Variants in BTK observed in about 807,000 individuals in gnomAD.
BTK encodes the protein Bruton tyrosine kinase.
In BTK, 5 loss-of-function variants were observed where a neutral mutation model predicts 57.4. The observed-to-expected ratio is 0.09, with a 90% CI of 0.05 to 0.18. The LOEUF is 0.18. Ranked by LOEUF, BTK falls within the 10% of genes least tolerant of loss-of-function variation. The pLI is 1.00. For missense variants in BTK, 194 were observed against 501.2 expected, an observed-to-expected ratio of 0.39 and a Z score of 5.85; for synonymous variants, 154 against 174.3, an observed-to-expected ratio of 0.88 and a Z score of 0.92.
At chrX:101,359,232 C>T in intron 10 of BTK, 61 bp downstream of exon 10, 1 of 1,154,893 alleles carries the variant, frequency 8.7e-7, no homozygotes, top group South Asian at 1.8e-5. Context: ...AGAACAGGCC[C>T]TCAGTTCAAG....
upstream of BTK, among the ~76,000 whole-genome samples, chrX:101,386,442 C>G (rs1927612523): frequency 9.1e-6 from 1 of 110,008 alleles, no homozygotes; most frequent in African/African-American, 3.3e-5. Flanking sequence ...CCTGAGCAGA[C>G]AGGTCATCAA....
intron 1 of BTK, among the ~76,000 whole-genome samples, chrX:101,376,963 C>T (rs1052573840): frequency 8.6e-4 from 96 of 111,235 alleles, no homozygotes; most frequent in African/African-American, 3.0e-3. Context: ...GCTGGGGAGA[C>T]GAAAATACGT....
rs782498125 is a variant in BTK at position 101,358,151 on chromosome X, C to T, written c.1102+159G>A. On this transcript the variant is annotated intron_variant, in intron 12 of 18. Coordinates refer to ENST00000308731, the MANE Select transcript of BTK (RefSeq NM_000061.3). ...GTCCCTGTTGGGTGTAGGTCTGCCT[C>T]TGACCACCTCTTTACCAGCTTCTAC... 8.6e-6 allele frequency: 7 copies of T among 815,074 alleles called. No individual in the cohort carries two copies. The South Asian group carries it at 1.2e-4, about 14-fold the overall frequency. The allele number at this position is 815,074 out of a possible 1,213,427, so 67.2% of individuals were successfully genotyped here.
At position 101,371,844 on chromosome X, in the gene BTK, G is replaced by A. The variant is rs184481518; in HGVS notation, c.241-143C>T. 214 of 511,018 alleles carry A rather than the reference G, an allele frequency of 4.2e-4. 1 individual carries two copies. Among genetic ancestry groups the A allele is most frequent in the Admixed American group, 2.2e-3 (79 of 36,500 alleles). 42.1% of individuals were successfully genotyped at this position (511,018 alleles called of 1,213,427 possible). A position where few individuals can be genotyped will look rare whatever the true frequency, so the allele number is the denominator to read the frequency against. On this transcript the variant is annotated intron_variant, in intron 3 of 18. Transcript: ENST00000308731. ...GATTCTTAGTGATTACTTTCTATAG[G>A]CCAATAGGGACACATATCCAATACG...
At chrX:101,379,850 C>T (rs1927353972) in intron 1 of BTK, among the ~76,000 whole-genome samples, 1 of 112,075 alleles carries the variant, frequency 8.9e-6, no homozygotes, top group African/African-American at 3.2e-5. Context: ...GATGATCTGT[C>T]TCTGGTAACT....
rs140650874 is a variant in BTK at position 101,370,777 on chromosome X, T to C, written c.310-698A>G. Among the ~76,000 whole-genome samples the C allele has an allele frequency of 7.1e-3, 797 of 112,468 alleles. 4 individuals carry two copies. The highest frequency in any genetic ancestry group is 0.024 in the African/African-American group (753 of 30,986). ...CACAGAGTTTATAGACATCACATAA[T>C]AAATTCTGAAGTCAAATATAAATTA... On this transcript the variant is annotated intron_variant, in intron 4 of 18. Coordinates refer to ENST00000308731, the MANE Select transcript of BTK (RefSeq NM_000061.3).
upstream of BTK, among the ~76,000 whole-genome samples, chrX:101,387,321 C>T (rs1927644535): frequency 9.3e-6 from 1 of 107,658 alleles, no homozygotes; most frequent in Admixed American, 1.0e-4. Context: ...CTCCCCTCAC[C>T]CCCAAGCCCC....
intron 5 of BTK, among the ~76,000 whole-genome samples, chrX:101,364,385 G>A (rs1411888792): frequency 2.1e-5 from 2 of 96,152 alleles, no homozygotes; most frequent in African/African-American, 7.9e-5. Flanking sequence ...CTCCAGCCTG[G>A]CCAACAGGAA....
At chrX:101,376,216 A>T (rs1049794008) in intron 1 of BTK, among the ~76,000 whole-genome samples, 2 of 112,326 alleles carry the variant, frequency 1.8e-5, no homozygotes, top group Admixed American at 9.5e-5. Flanking sequence ...TGGCTTTTTT[A>T]TTCACACCAA....
chrX:101,376,010 T>C (rs1194050198), intron 1 of BTK, among the ~76,000 whole-genome samples: 3 of 110,903 alleles, frequency 2.7e-5, no homozygotes, highest in African/African-American at 9.8e-5. Flanking sequence ...TCTGACCTTT[T>C]CCCCATTTAG....
intron 7 of BTK, 99 bp from the exon 8 acceptor site, chrX:101,360,854 G>T: frequency 1.2e-6 from 1 of 852,762 alleles, no homozygotes. Context: ...CCCAAATCAG[G>T]CATACTAAAA....
chrX:101,362,967 C>A (rs1174773136), intron 5 of BTK, among the ~76,000 whole-genome samples: 1 of 112,014 alleles, frequency 8.9e-6, no homozygotes, highest in Non-Finnish European at 1.9e-5. Flanking sequence ...GAGAGCCCAA[C>A]AACAGAAATA....
At chrX:101,352,417 G>A (rs1338123559) in intron 18 of BTK, among the ~76,000 whole-genome samples, 3 of 111,494 alleles carry the variant, frequency 2.7e-5, no homozygotes, top group African/African-American at 9.8e-5. Context: ...GAATCGGAGT[G>A]GGCCTGGGAA....
At chrX:101,363,438 TG>T (rs1926732806) in intron 5 of BTK, among the ~76,000 whole-genome samples, 1 of 111,768 alleles carries the variant, frequency 8.9e-6, no homozygotes, top group Non-Finnish European at 1.9e-5. Context: ...TTAGAAAAGT[TG>T]GCCAGACGCG....
chrX:101,367,826 A>T (rs782504169), intron 5 of BTK, among the ~76,000 whole-genome samples: 1 of 111,308 alleles, frequency 9.0e-6, no homozygotes, highest in African/African-American at 3.3e-5. Flanking sequence ...ACTAAAACCT[A>T]GCCATTTATC....
Position 101,371,721 on chromosome X carries a change from A to C in BTK, c.241-20T>G. On this transcript the variant is annotated intron_variant, in intron 3 of 18. Transcript: ENST00000308731. ...TCTTCTCTGTAATGAAATAAGAAAA[A>C]ATGGTTATTGGTTGATGCATTGCTC... 1 of 1,169,505 alleles carries C rather than the reference A, an allele frequency of 8.6e-7. No homozygotes were observed. The highest frequency in any genetic ancestry group is 1.8e-5 in the South Asian group (1 of 56,055).
intron 18 of BTK, among the ~76,000 whole-genome samples, chrX:101,352,101 T>TG (rs1375047854): frequency 1.9e-5 from 2 of 102,940 alleles, no homozygotes; most frequent in African/African-American, 3.6e-5. Context: ...AGGCGGGGCT[T>TG]GCGGTGAGCC....
chrX:101,382,990 C>T (rs950123143), intron 1 of BTK, among the ~76,000 whole-genome samples: 14 of 111,276 alleles, frequency 1.3e-4, no homozygotes, highest in Admixed American at 3.8e-4. Context: ...CATAGGGAGA[C>T]CCCCATCTCA....
At chrX:101,379,127 T>C (rs1927318889) in intron 1 of BTK, among the ~76,000 whole-genome samples, 1 of 103,421 alleles carries the variant, frequency 9.7e-6, no homozygotes, top group East Asian at 3.0e-4. Flanking sequence ...TGAGCCAAGA[T>C]CGTGACACTG....
Sources: gnomAD v4.1 joint callset for allele counts (sites outside exome capture counted in the v4.1 genomes callset) on GRCh38, gnomAD v4.1.1 for gene constraint, MANE v1.5 for transcripts, NCBI Gene and HGNC (gene_info 2026-07-23, HGNC 2026-07-21) for gene names.